The following CHST15 variants were observed in gnomAD, a reference collection of about 807,000 sequenced individuals.
CHST15 encodes carbohydrate sulfotransferase 15, also known as B cell RAG associated protein (GALNAC4S-6ST).
CHST15 carries 30 observed loss-of-function variants against 53.6 expected under a neutral mutation model. The observed-to-expected ratio is 0.56, with a 90% CI of 0.42 to 0.76. The LOEUF is 0.76. CHST15 is among the 30% of genes least tolerant of loss of function. The pLI is 0.00. For missense variants in CHST15, 627 were observed against 740.5 expected (o/e 0.85, Z 1.78); for synonymous variants, 296 against 289.8 (o/e 1.02, Z -0.22).
chr10:124,021,494 A>G (rs1946788990), intron 5 of CHST15, 82 bp from the exon 6 acceptor site: 1 of 1,538,280 alleles, frequency 6.5e-7, no homozygotes, highest in African/African-American at 1.4e-5. Context: ...ATCAGTGTAC[A>G]ATTACATTAT....
In CHST15 at chr10:124,024,164, G is replaced by C. The variant is rs988645595; in HGVS notation, c.1191-2752C>G. On this transcript the variant is annotated intron_variant, in intron 5 of 7. Coordinates refer to ENST00000435907, the MANE Select transcript of CHST15 (RefSeq NM_001270764.2). This position sits in a 1 kb window ranked among gnomAD's most constrained non-coding sequence, Gnocchi z 4.0. ...CCAGCCGCCATCCATACTTCCAAACGCTCCCAGACCTTCAGCCACATACTA... is the reference window on the plus strand; with the variant it reads ...CCAGCCGCCATCCATACTTCCAAACCCTCCCAGACCTTCAGCCACATACTA... 1.3e-5 allele frequency among the ~76,000 whole-genome samples: 2 copies of C among 152,110 alleles called. No homozygotes were observed. Among genetic ancestry groups the C allele is most frequent in the African/African-American group, 4.8e-5 (2 of 41,406 alleles).
chr10:124,022,833 TTGAGACAGAGTTTCA>T (rs1299931626), intron 5 of CHST15, among the ~76,000 whole-genome samples: 87 of 148,898 alleles, frequency 5.8e-4, no homozygotes, highest in African/African-American at 2.0e-3. Flanking sequence ...TTTTTTTTTT[TTGAGACAGAGTTTCA>T]CTCTGTCCCC....
intron 3 of CHST15, among the ~76,000 whole-genome samples, chr10:124,043,536 C>T (rs1227629973): frequency 2.0e-5 from 3 of 152,232 alleles, no homozygotes; most frequent in African/African-American, 7.2e-5. Flanking sequence ...CTGGAAAACA[C>T]CCTCGTGGCC....
chr10:124,061,665 A>C (rs1454125602), intron 1 of CHST15, among the ~76,000 whole-genome samples: 5 of 152,240 alleles, frequency 3.3e-5, no homozygotes, highest in African/African-American at 1.2e-4. Context: ...GTAACTACAA[A>C]GATAATAAAG....
At chr10:124,027,629 C>A (rs1489046986) in intron 5 of CHST15, among the ~76,000 whole-genome samples, 1 of 152,150 alleles carries the variant, frequency 6.6e-6, no homozygotes, top group African/African-American at 2.4e-5. Flanking sequence ...GATGTGGATG[C>A]TGGGGGGTAG....
At chr10:124,083,897 C>T (rs1949331241) in intron 1 of CHST15, among the ~76,000 whole-genome samples, 1 of 152,200 alleles carries the variant, frequency 6.6e-6, no homozygotes, top group Admixed American at 6.5e-5. Flanking sequence ...ATGGGTCAGG[C>T]TGGAGATGAC....
chr10:124,021,050 G>T, intron 6 of CHST15: 1 of 1,440,172 alleles, frequency 6.9e-7, no homozygotes. Flanking sequence ...GTGACCAGCA[G>T]GGAGGAAGGC....
intron 6 of CHST15, among the ~76,000 whole-genome samples, chr10:124,018,135 C>T (rs1946650338): frequency 6.6e-6 from 1 of 152,210 alleles, no homozygotes; most frequent in African/African-American, 2.4e-5. Flanking sequence ...CTATTTGGTT[C>T]CTCTTGGATT....
intron 1 of CHST15, among the ~76,000 whole-genome samples, chr10:124,077,383 AAT>A (rs1949109948): frequency 6.6e-6 from 1 of 152,226 alleles, no homozygotes; most frequent in South Asian, 2.1e-4. Context: ...AGGATTTAAA[AAT>A]ATGGGGCCCT....
chr10:124,072,053 C>T (rs899841390), intron 1 of CHST15, among the ~76,000 whole-genome samples: 1 of 152,212 alleles, frequency 6.6e-6, no homozygotes, highest in Admixed American at 6.5e-5. Flanking sequence ...TGGGAAGTCA[C>T]TGCTTCCCCA....
intron 6 of CHST15, among the ~76,000 whole-genome samples, chr10:124,016,692 G>A (rs998367670): frequency 2.6e-5 from 4 of 152,158 alleles, no homozygotes; most frequent in Admixed American, 2.0e-4. Context: ...AGCTATGGAT[G>A]GGAGAACTAA....
intron 1 of CHST15, among the ~76,000 whole-genome samples, chr10:124,089,637 C>G (rs991618519): frequency 3.3e-5 from 5 of 152,134 alleles, no homozygotes; most frequent in Non-Finnish European, 5.9e-5. Context: ...GTGGGTGCCT[C>G]CCACCCACTG....
chr10:124,054,380 A>G (rs575338638), intron 1 of CHST15, among the ~76,000 whole-genome samples: 1 of 152,380 alleles, frequency 6.6e-6, no homozygotes, highest in East Asian at 1.9e-4. Context: ...TTCGTCATCA[A>G]CATTGGTTTT....
In CHST15 at chr10:124,021,233, GTAC is replaced by G. The variant is rs1946769667; in HGVS notation, c.1347+20_1347+22del. 1 of 1,547,448 alleles carries G rather than the reference GTAC, an allele frequency of 6.5e-7. No individual in the cohort carries two copies. The highest frequency in any genetic ancestry group is 8.7e-7 in the Non-Finnish European group (1 of 1,146,414). The stretch of plus-strand genomic sequence containing the variant: ...CTTCTGCCAGGGGCCAGCTCGGGGG[GTAC>G]GGGGGGGGGGGGTACACACAGGCAT... On this transcript the variant is annotated intron_variant, in intron 6 of 7. Transcript: ENST00000435907.
In CHST15 at chr10:124,072,460, T is replaced by C. The variant is rs552768051; in HGVS notation, c.-513+21009A>G. 2.0e-5 allele frequency among the ~76,000 whole-genome samples: 3 copies of C among 152,240 alleles called. No individual in the cohort carries two copies. The East Asian group carries it at 5.8e-4, about 29-fold the overall frequency. Reference sequence around the variant, plus strand: ...ACAGCTTTTGGCACAGGGAAAGCTCTTTCTCCACCTAGAACACTGGGTTGG... The same window carrying C: ...ACAGCTTTTGGCACAGGGAAAGCTCCTTCTCCACCTAGAACACTGGGTTGG... On this transcript the variant is annotated intron_variant, in intron 1 of 7. Transcript: ENST00000435907.
chr10:124,061,878 G>A (rs1342005932), intron 1 of CHST15, among the ~76,000 whole-genome samples: 2 of 152,060 alleles, frequency 1.3e-5, no homozygotes, highest in Non-Finnish European at 2.9e-5. Context: ...GACCACATAA[G>A]GCAAGGCAGA....
chr10:124,063,645 G>GA (rs922522312), intron 1 of CHST15, among the ~76,000 whole-genome samples: 391 of 149,396 alleles, frequency 2.6e-3, no homozygotes, highest in Non-Finnish European at 3.8e-3. Context: ...GGCATGGCTC[G>GA]AAAAAAAAAA....
intron 1 of CHST15, among the ~76,000 whole-genome samples, chr10:124,092,819 C>T (rs1949645545): frequency 6.6e-6 from 1 of 152,244 alleles, no homozygotes; most frequent in South Asian, 2.1e-4. Flanking sequence ...CGCGCGCTCA[C>T]ACCGTGAAAG....
intron 1 of CHST15, among the ~76,000 whole-genome samples, chr10:124,075,699 G>A (rs537069380): frequency 1.3e-5 from 2 of 152,218 alleles, no homozygotes; most frequent in South Asian, 4.1e-4. Context: ...GAAAAGTCCG[G>A]GCTTTCCTTG....
Sources: gnomAD v4.1 joint callset for allele counts (sites outside exome capture counted in the v4.1 genomes callset) on GRCh38, gnomAD v4.1.1 for gene constraint, Gnocchi (gnomAD v3.1) non-coding constraint, MANE v1.5 for transcripts, NCBI Gene and HGNC (gene_info 2026-07-23, HGNC 2026-07-21) for gene names.